The following FAM76A variants were observed in gnomAD, a reference collection of about 807,000 sequenced individuals.
The protein encoded by FAM76A is protein FAM76A.
FAM76A carries 32 observed loss-of-function variants against 46.2 expected under a neutral mutation model. That is an observed-to-expected ratio of 0.69 (90% CI 0.52 to 0.93). The LOEUF (loss-of-function observed/expected upper bound fraction) is 0.93. Ranked by LOEUF, FAM76A falls within the 40% of genes least tolerant of loss-of-function variation. The pLI is 0.00. For synonymous variants in FAM76A, 137 were observed against 127.0 expected, an observed-to-expected ratio of 1.08 and a Z score of -0.53; for missense variants, 274 against 361.5, an observed-to-expected ratio of 0.76 and a Z score of 1.96.
chr1:27,759,784 T>G (rs1413707019), intron 8 of FAM76A, 157 bp downstream of exon 8: 10 of 593,998 alleles, frequency 1.7e-5, no homozygotes, highest in South Asian at 4.2e-5. Flanking sequence ...TTTTTGTTTT[T>G]TTTTTGAGAC....
chr1:27,753,986 C>G (rs1176857835), intron 6 of FAM76A, among the ~76,000 whole-genome samples: 3 of 151,904 alleles, frequency 2.0e-5, no homozygotes, highest in African/African-American at 7.3e-5. Context: ...TGAGGCACTT[C>G]TGACTGGCCA....
At chr1:27,726,256 G>A in intron 1 of FAM76A, 95 bp downstream of exon 1, 1 of 1,076,376 alleles carries the variant, frequency 9.3e-7, no homozygotes, top group Non-Finnish European at 1.2e-6. Flanking sequence ...GGTCCCCGGA[G>A]CAGGGTGTGG....
chr1:27,743,153 C>A (rs2088183147), intron 4 of FAM76A, among the ~76,000 whole-genome samples: 1 of 152,058 alleles, frequency 6.6e-6, no homozygotes, highest in South Asian at 2.1e-4. Flanking sequence ...TAAAAAATAT[C>A]TATTTATTCA....
intron 5 of FAM76A, among the ~76,000 whole-genome samples, chr1:27,747,146 A>G (rs549049972): frequency 1.3e-5 from 2 of 152,324 alleles, no homozygotes; most frequent in South Asian, 2.1e-4. Flanking sequence ...AGTAGGACCT[A>G]GGATAGAGGC....
rs1408322466 is a variant in FAM76A, at chr1:27,744,793, G to A, written c.494G>A (p.Gly165Asp). The change falls in exon 5 of 9, where the codon GGT (glycine) becomes GAT (aspartate). Residue 165 changes from glycine (G) to aspartate (D), a missense_variant. Physicochemically the swap from Gly to Asp is moderately conservative, Grantham distance 94. Transcript: ENST00000373954. ...QEKEQYSRLS[G>D]GGHYNSQKTL... ...AAGGAGCAGTATAGTCGCCTGAGTG[G>A]TGGTGGCCATTATAACAGGTAACCT... is the stretch of plus-strand genomic sequence containing the variant. 2 of 1,614,136 alleles carry A rather than the reference G, an allele frequency of 1.2e-6. No homozygotes were observed. Among genetic ancestry groups the A allele is most frequent in the Non-Finnish European group, 1.7e-6 (2 of 1,179,998 alleles).
chr1:27,758,506 A>G (rs1414027184), intron 7 of FAM76A, among the ~76,000 whole-genome samples: 3 of 151,714 alleles, frequency 2.0e-5, no homozygotes, highest in African/African-American at 7.3e-5. Context: ...TTTATTTATT[A>G]TTTTTATTTT....
intron 1 of FAM76A, among the ~76,000 whole-genome samples, chr1:27,726,775 C>G (rs1030904193): frequency 6.6e-6 from 1 of 152,104 alleles, no homozygotes; most frequent in African/African-American, 2.4e-5. Flanking sequence ...TTCGGTCTTC[C>G]CTGACTAGCT....
At chr1:27,745,491 T>C in intron 5 of FAM76A, among the ~76,000 whole-genome samples, 1 of 152,190 alleles carries the variant, frequency 6.6e-6, no homozygotes, top group East Asian at 1.9e-4. Flanking sequence ...ATGACTTTGT[T>C]TAATCAGCAA....
At chr1:27,749,289 T>G (rs1354122796) in intron 6 of FAM76A, 135 bp downstream of exon 6, 1 of 486,388 alleles carries the variant, frequency 2.1e-6, no homozygotes, top group Non-Finnish European at 3.7e-6. Flanking sequence ...GTACTGATAT[T>G]TGTTTATAAA....
rs1303523152 is a variant in FAM76A, at chr1:27,763,006, A to T, written c.*2425A>T. The T allele has an allele frequency of 6.6e-6, 1 of 152,182 alleles. No individual in the cohort carries two copies. Among genetic ancestry groups the T allele is most frequent in the East Asian group, 1.9e-4 (1 of 5,206 alleles). 9.4% of individuals were successfully genotyped at this position (152,182 alleles called of 1,614,324 possible). A position where few individuals can be genotyped will look rare whatever the true frequency, so the allele number is the denominator to read the frequency against. ...AATTGAGTAGCTAACTTTTGGTAAC[A>T]CCTTTTGTTTCTTTGTATGTTTGTA... On this transcript the variant is annotated 3_prime_UTR_variant, in exon 9 of 9. Transcript: ENST00000373954.
chr1:27,753,094 A>T (rs1309503529), intron 6 of FAM76A, among the ~76,000 whole-genome samples: 1 of 152,160 alleles, frequency 6.6e-6, no homozygotes, highest in African/African-American at 2.4e-5. Flanking sequence ...CAGGAGGCAG[A>T]GGTTGTGGTG....
At chr1:27,755,481 T>C (rs765521772) in intron 7 of FAM76A, 151 bp downstream of exon 7, 2 of 1,054,250 alleles carry the variant, frequency 1.9e-6, no homozygotes, top group African/African-American at 3.2e-5. Flanking sequence ...TCTGCCAAGA[T>C]GACTTTTGGG....
rs1002346838 is a variant in FAM76A at position 27,762,764 on chromosome 1, GTTT to G, written c.*2190_*2192del. 1 of 151,144 alleles carries G rather than the reference GTTT, an allele frequency of 6.6e-6. No individual in the cohort carries two copies. The highest frequency in any genetic ancestry group is 6.6e-5 in the Admixed American group (1 of 15,180). 9.4% of individuals were successfully genotyped at this position (151,144 alleles called of 1,614,324 possible). A position where few individuals can be genotyped will look rare whatever the true frequency, so the allele number is the denominator to read the frequency against. On this transcript the variant is annotated 3_prime_UTR_variant, in exon 9 of 9. Coordinates refer to ENST00000373954, the MANE Select transcript of FAM76A (RefSeq NM_152660.3). ...ATTAGGGGGAAATGACAGTCATGGTGTTTTTTTTTAATTTTAAGGACTGAAATT... is the reference window on the plus strand; with the variant it reads ...ATTAGGGGGAAATGACAGTCATGGTGTTTTTTAATTTTAAGGACTGAAATT...
chr1:27,751,650 A>G (rs1389009951), intron 6 of FAM76A, among the ~76,000 whole-genome samples: 1 of 150,862 alleles, frequency 6.6e-6, no homozygotes, highest in Non-Finnish European at 1.5e-5. Context: ...GACTATAGAC[A>G]TGCACCACCA....
At position 27,755,161 on chromosome 1, in the gene FAM76A, A is replaced by G. The variant is rs201132722; in HGVS notation, c.600-34A>G. On this transcript the variant is annotated intron_variant, in intron 6 of 8. Transcript: ENST00000373954. ...AGGTAGAGAAAAGTTTATCCATCCA[A>G]GTTAAAATATTTTCCCCTGATTTTT... 170 of 1,611,962 alleles carry G rather than the reference A, an allele frequency of 1.1e-4. 2 individuals are homozygous for G. The Middle Eastern group carries it at 1.7e-3, about 16-fold the overall frequency.
chr1:27,751,042 C>G (rs1405512970), intron 6 of FAM76A, among the ~76,000 whole-genome samples: 1 of 152,058 alleles, frequency 6.6e-6, no homozygotes, highest in Admixed American at 6.6e-5. Context: ...ATTCCAGCTA[C>G]TCAGGAGGCT....
intron 4 of FAM76A, 31 bp from the exon 5 acceptor site, chr1:27,744,623 T>A (rs765763310): frequency 6.2e-7 from 1 of 1,610,706 alleles, no homozygotes; most frequent in Non-Finnish European, 8.5e-7. Context: ...CTAAATTCCC[T>A]CTTCTTTATC....
intron 8 of FAM76A, 36 bp from the exon 9 acceptor site, chr1:27,760,459 A>C (rs2088485171): frequency 1.3e-5 from 20 of 1,559,784 alleles, no homozygotes; most frequent in Non-Finnish European, 1.7e-5. Context: ...ATCCTGTTTG[A>C]AACATCCTTC....
chr1:27,757,896 G>A (rs11247678), intron 7 of FAM76A, among the ~76,000 whole-genome samples: 1,930 of 151,732 alleles, frequency 0.013, 43 homozygotes, highest in African/African-American at 0.044. Context: ...AGAATGGCGT[G>A]AACCGGTGAG....
Sources: allele counts gnomAD v4.1 joint callset (sites outside exome capture counted in the v4.1 genomes callset), GRCh38; gene constraint gnomAD v4.1.1; transcripts MANE v1.5; gene names NCBI Gene and HGNC (gene_info 2026-07-23, HGNC 2026-07-21).